TMEM132B: variants seen among roughly 807,000 people sequenced by gnomAD.
The protein encoded by TMEM132B is transmembrane protein 132B.
Under a neutral mutation model 90.8 loss-of-function variants are expected in TMEM132B, and 18 were observed. That is an observed-to-expected ratio of 0.20 (90% CI 0.14 to 0.29). The LOEUF is 0.29. TMEM132B is among the 10% of genes least tolerant of loss of function. The pLI is 1.00. For synonymous variants in TMEM132B, 504 were observed against 523.3 expected (o/e 0.96, Z 0.50); for missense variants, 1,096 against 1,326.8 (o/e 0.83, Z 2.70).
intron 3 of TMEM132B, among the ~76,000 whole-genome samples, chr12:125,469,049 C>T (rs548648305): frequency 3.9e-5 from 6 of 152,116 alleles, no homozygotes; most frequent in Non-Finnish European, 8.8e-5. Flanking sequence ...TTTTTCCTTT[C>T]CAATTTGGAT....
At chr12:125,298,222 C>G (rs955927648) in intron 1 of TMEM132B, among the ~76,000 whole-genome samples, 3 of 152,104 alleles carry the variant, frequency 2.0e-5, no homozygotes, top group African/African-American at 7.2e-5. Flanking sequence ...TGCACTCCAG[C>G]TTGGGAGACA....
chr12:125,334,651 A>G (rs958258658), intron 1 of TMEM132B, among the ~76,000 whole-genome samples: 2 of 152,178 alleles, frequency 1.3e-5, no homozygotes, highest in Non-Finnish European at 2.9e-5. Flanking sequence ...ACGCTTACCT[A>G]TACTCGCTTT....
intron 1 of TMEM132B, among the ~76,000 whole-genome samples, chr12:125,275,034 C>T (rs566782088): frequency 4.6e-5 from 7 of 152,278 alleles, no homozygotes; most frequent in South Asian, 2.1e-4. Context: ...ACCATCTGTT[C>T]GACTGCCACT....
chr12:125,508,297 C>A lies in TMEM132B; in HGVS notation c.1107-11142C>A, dbSNP rs371901058. Among the ~76,000 whole-genome samples the A allele has an allele frequency of 4.6e-5, 7 of 152,124 alleles. No individual in the cohort carries two copies. In the East Asian group the frequency reaches 1.2e-3, roughly 25 times the overall value. Reference sequence around the variant, plus strand: ...ATCTAGTGTTCTGCAGGAAGTTCATCTTGGGCCTGATCTTTGTAGGTCAGC... The same window carrying A: ...ATCTAGTGTTCTGCAGGAAGTTCATATTGGGCCTGATCTTTGTAGGTCAGC... On this transcript the variant is annotated intron_variant, in intron 3 of 8. Coordinates refer to ENST00000682704, the MANE Select transcript of TMEM132B (RefSeq NM_001366854.1).
chr12:125,486,545 C>G (rs1323075047), intron 3 of TMEM132B, among the ~76,000 whole-genome samples: 2 of 152,178 alleles, frequency 1.3e-5, no homozygotes, highest in African/African-American at 2.4e-5. Context: ...AACAGGGGCT[C>G]TCAGTGCATT....
At chr12:125,480,286 CA>C (rs1283407899) in intron 3 of TMEM132B, among the ~76,000 whole-genome samples, 4 of 151,894 alleles carry the variant, frequency 2.6e-5, no homozygotes, top group Admixed American at 2.6e-4. Flanking sequence ...GATAGAGACA[CA>C]AAAAACCCTT....
At position 125,406,239 on chromosome 12, in the gene TMEM132B, G is replaced by A. The variant is rs953569380; in HGVS notation, c.960-9292G>A. Among the ~76,000 whole-genome samples, 1 of 152,066 alleles carries A rather than the reference G, an allele frequency of 6.6e-6. No individual in the cohort carries two copies. Among genetic ancestry groups the A allele is most frequent in the African/African-American group, 2.4e-5 (1 of 41,396 alleles). ...CAGAATGCAAAACTTCCCTTCCCTGGTCATACCCACACAATTTGCCTGTCT... is the reference window on the plus strand; with the variant it reads ...CAGAATGCAAAACTTCCCTTCCCTGATCATACCCACACAATTTGCCTGTCT... On this transcript the variant is annotated intron_variant, in intron 2 of 8. Coordinates refer to ENST00000682704, the MANE Select transcript of TMEM132B (RefSeq NM_001366854.1). This position sits in a 1 kb window ranked among gnomAD's most constrained non-coding sequence, Gnocchi z 8.3.
intron 3 of TMEM132B, among the ~76,000 whole-genome samples, chr12:125,493,953 TC>T (rs1882430485): frequency 8.2e-6 from 1 of 121,916 alleles, no homozygotes; most frequent in Non-Finnish European, 1.7e-5. Flanking sequence ...CTCCCCCTCC[TC>T]CCTGGAAATG....
intron 1 of TMEM132B, among the ~76,000 whole-genome samples, chr12:125,208,085 T>C (rs1873224800): frequency 6.6e-6 from 1 of 152,362 alleles, no homozygotes; most frequent in East Asian, 1.9e-4. Flanking sequence ...TTAATCCAAC[T>C]TCTTCATTGA....
chr12:125,334,657 G>T (rs991375881), intron 1 of TMEM132B, among the ~76,000 whole-genome samples: 7 of 152,164 alleles, frequency 4.6e-5, no homozygotes, highest in South Asian at 2.1e-4. Context: ...ACCTATACTC[G>T]CTTTGAGTCT....
rs1003116894 is a variant in TMEM132B at position 125,661,822 on chromosome 12, C to T, written c.*7112C>T. On this transcript the variant is annotated 3_prime_UTR_variant, in exon 9 of 9. Transcript: ENST00000682704. ...CTGAAAGATAGTCACATCCACATAG[C>T]GTGTATCATGCAACAGACCCGTGCT... 4.6e-5 allele frequency: 7 copies of T among 152,196 alleles called. No individual in the cohort carries two copies. The highest frequency in any genetic ancestry group is 3.8e-4 in the East Asian group (2 of 5,200). 9.4% of individuals were successfully genotyped at this position (152,196 alleles called of 1,614,324 possible).
chr12:125,446,291 T>C (rs1418909476), intron 3 of TMEM132B, among the ~76,000 whole-genome samples: 1 of 152,242 alleles, frequency 6.6e-6, no homozygotes, highest in Non-Finnish European at 1.5e-5. Flanking sequence ...CAATGAATGC[T>C]AGTTATTATT....
At chr12:125,249,675 G>A (rs79878523) in intron 1 of TMEM132B, among the ~76,000 whole-genome samples, 4,261 of 152,302 alleles carry the variant, frequency 0.028, 95 homozygotes, top group Non-Finnish European at 0.042. Flanking sequence ...GTAATTACTG[G>A]CAATGTCAGG....
chr12:125,572,645 T>A (rs1045014252), intron 4 of TMEM132B, among the ~76,000 whole-genome samples: 4 of 152,238 alleles, frequency 2.6e-5, no homozygotes, highest in Admixed American at 6.5e-5. Flanking sequence ...TTGAAGTTAA[T>A]GTTTCTTTCA....
chr12:125,249,864 C>A (rs61943065), intron 1 of TMEM132B, among the ~76,000 whole-genome samples: 2 of 152,224 alleles, frequency 1.3e-5, no homozygotes, highest in Non-Finnish European at 2.9e-5. Flanking sequence ...AGTCCCCCAT[C>A]GGGCCACACA....
chr12:125,645,643 T>C (rs1411462333), intron 6 of TMEM132B, among the ~76,000 whole-genome samples: 8 of 152,236 alleles, frequency 5.3e-5, no homozygotes, highest in Non-Finnish European at 7.3e-5. Flanking sequence ...GGATTCTTCC[T>C]TAGCACTTCC....
intron 4 of TMEM132B, among the ~76,000 whole-genome samples, chr12:125,579,979 A>G (rs781074032): frequency 1.3e-5 from 2 of 152,074 alleles, no homozygotes; most frequent in Non-Finnish European, 2.9e-5. Flanking sequence ...TGACTTTTAT[A>G]AACTAATTCT....
At chr12:125,561,127 G>A (rs1212737328) in intron 4 of TMEM132B, among the ~76,000 whole-genome samples, 1 of 152,128 alleles carries the variant, frequency 6.6e-6, no homozygotes, top group Non-Finnish European at 1.5e-5. Context: ...CAACCCAAAT[G>A]TCCATCAATG....
intron 5 of TMEM132B, chr12:125,585,360 A>G (rs1885156364): frequency 6.6e-6 from 1 of 152,192 alleles, no homozygotes; most frequent in Admixed American, 6.5e-5. Flanking sequence ...GAGTTTAGAA[A>G]GAGCTGAGCC....
Sources: gnomAD v4.1 joint callset for allele counts (sites outside exome capture counted in the v4.1 genomes callset) on GRCh38, gnomAD v4.1.1 for gene constraint, Gnocchi (gnomAD v3.1) non-coding constraint, MANE v1.5 for transcripts, NCBI Gene and HGNC (gene_info 2026-07-23, HGNC 2026-07-21) for gene names.